The following NPAS3 variants were observed in gnomAD, a reference collection of about 807,000 sequenced individuals.
The protein encoded by NPAS3 is neuronal PAS domain protein 3, also known as neuronal PAS domain-containing protein 3.
Under a neutral mutation model 73.1 loss-of-function variants are expected in NPAS3, and 14 were observed. The ratio of observed to expected loss-of-function variants is 0.19; its 90% CI spans 0.13 to 0.30. The LOEUF (loss-of-function observed/expected upper bound fraction) is 0.30, where lower values mean the gene tolerates loss of function less well. Among genes scored for constraint, NPAS3 ranks in the 10% least tolerant of loss-of-function variants. NPAS3 has a pLI of 1.00. For missense variants in NPAS3, 1,096 were observed against 1,250.0 expected (o/e 0.88, Z 1.86); for synonymous variants, 620 against 541.5 (o/e 1.14, Z -2.01).
At chr14:33,632,564 C>T (rs2058409696) in intron 5 of NPAS3, among the ~76,000 whole-genome samples, 1 of 152,178 alleles carries the variant, frequency 6.6e-6, no homozygotes, top group South Asian at 2.1e-4. Context: ...GGAGCTGGAG[C>T]TGGGTTCCAC....
chr14:33,021,220 T>A (rs113436921), intron 1 of NPAS3, among the ~76,000 whole-genome samples: 1 of 152,194 alleles, frequency 6.6e-6, no homozygotes, highest in Non-Finnish European at 1.5e-5. Flanking sequence ...ATAATCATCA[T>A]CAGCAGCAGC....
intron 4 of NPAS3, among the ~76,000 whole-genome samples, chr14:33,524,693 C>T (rs149239232): frequency 2.2e-4 from 33 of 152,244 alleles, no homozygotes; most frequent in Middle Eastern, 3.4e-3. Flanking sequence ...ATTCTGTAGG[C>T]TAGAAGTGTG....
chr14:33,800,392 G>GGGCGGC lies in NPAS3; in HGVS notation c.2091_2096dup (p.Gly705_Gly706dup), dbSNP rs760720626. 2.5e-6 allele frequency: 4 copies of GGGCGGC among 1,605,570 alleles called. No homozygotes were observed. The highest frequency in any genetic ancestry group is 3.4e-5 in the Admixed American group (2 of 58,860). On this transcript the variant is annotated inframe_insertion, in exon 12 of 12. Transcript: ENST00000356141. The surrounding 1 kb of genome is among the most constrained non-coding windows in gnomAD (Gnocchi z 6.5). ...GCTCTGAGCACTTCCCGTCCCCGCA[G>GGGCGGC]GGCGGCGGCGGTGGGGGTGGCGGTG...
intron 2 of NPAS3, among the ~76,000 whole-genome samples, chr14:33,169,555 A>G (rs1297335859): frequency 6.6e-6 from 1 of 152,216 alleles, no homozygotes; most frequent in Non-Finnish European, 1.5e-5. Flanking sequence ...GTGACAGAGC[A>G]AGACTCTGTC....
At chr14:33,466,726 G>A (rs1800415271) in intron 4 of NPAS3, among the ~76,000 whole-genome samples, 4 of 152,136 alleles carry the variant, frequency 2.6e-5, no homozygotes, top group Admixed American at 2.6e-4. Context: ...GGGAGCAGGA[G>A]GAAGAGAGGG....
intron 4 of NPAS3, among the ~76,000 whole-genome samples, chr14:33,475,380 T>C (rs1213237707): frequency 6.6e-6 from 1 of 152,142 alleles, no homozygotes; most frequent in Admixed American, 6.5e-5. Flanking sequence ...TAAAACAAAT[T>C]TGATGCATTT....
chr14:32,945,137 A>T (rs1339201578), intron 1 of NPAS3, among the ~76,000 whole-genome samples: 3 of 152,198 alleles, frequency 2.0e-5, no homozygotes, highest in African/African-American at 7.2e-5. Flanking sequence ...AGAAGTAATG[A>T]ATTCATAGAA....
chr14:33,564,364 C>G (rs563519271), intron 5 of NPAS3, among the ~76,000 whole-genome samples: 1 of 152,112 alleles, frequency 6.6e-6, no homozygotes, highest in Non-Finnish European at 1.5e-5. Flanking sequence ...GAAGAGCTAA[C>G]CTGTAGATTA....
At chr14:33,505,048 T>A (rs2052692815) in intron 4 of NPAS3, among the ~76,000 whole-genome samples, 1 of 152,024 alleles carries the variant, frequency 6.6e-6, no homozygotes. Flanking sequence ...TTCAGTACTT[T>A]AAATAAAAAT....
intron 4 of NPAS3, among the ~76,000 whole-genome samples, chr14:33,497,816 CA>C (rs1168019360): frequency 3.3e-5 from 5 of 152,036 alleles, no homozygotes; most frequent in Non-Finnish European, 7.4e-5. Context: ...TCACCAAAAG[CA>C]ATGGCAACAA....
chr14:33,512,155 A>G (rs745555676), intron 4 of NPAS3, among the ~76,000 whole-genome samples: 1 of 152,088 alleles, frequency 6.6e-6, no homozygotes, highest in Non-Finnish European at 1.5e-5. Flanking sequence ...CTTTTTTCCT[A>G]TGTTAATTTG....
chr14:33,565,868 G>A (rs10131389), intron 5 of NPAS3, among the ~76,000 whole-genome samples: 114,026 of 151,838 alleles, frequency 0.75, 43,184 homozygotes, highest in East Asian at 0.94. Flanking sequence ...TTTTCAAAAC[G>A]TTTCAAGTAG....
intron 6 of NPAS3, among the ~76,000 whole-genome samples, chr14:33,683,165 G>C (rs4246980): frequency 0.47 from 71,660 of 151,860 alleles, 20,204 homozygotes; most frequent in East Asian, 0.91. Flanking sequence ...ATGTTTTGTT[G>C]AATAATAGAA....
chr14:33,432,045 A>T (rs1262166199), intron 4 of NPAS3, among the ~76,000 whole-genome samples: 1 of 152,202 alleles, frequency 6.6e-6, no homozygotes, highest in East Asian at 1.9e-4. Flanking sequence ...TAAAAACATT[A>T]ATAGAAATGA....
intron 7 of NPAS3, among the ~76,000 whole-genome samples, chr14:33,771,476 A>G (rs932961865): frequency 1.3e-5 from 2 of 152,210 alleles, no homozygotes; most frequent in African/African-American, 4.8e-5. Context: ...CTAGTTATAA[A>G]TGAAATCTTT....
chr14:33,272,096 A>T (rs983462533), intron 3 of NPAS3, among the ~76,000 whole-genome samples: 2 of 152,204 alleles, frequency 1.3e-5, no homozygotes, highest in Non-Finnish European at 2.9e-5. Context: ...CTCCTTGCGT[A>T]GCACTTGTAA....
chr14:33,219,794 T>A (rs1460762172), intron 3 of NPAS3, among the ~76,000 whole-genome samples: 2 of 152,202 alleles, frequency 1.3e-5, no homozygotes, highest in Non-Finnish European at 2.9e-5. Context: ...ACTAAACTAC[T>A]GTTATAATAT....
intron 4 of NPAS3, among the ~76,000 whole-genome samples, chr14:33,373,704 G>T (rs78243463): frequency 6.6e-6 from 1 of 152,010 alleles, no homozygotes; most frequent in Non-Finnish European, 1.5e-5. Context: ...GCCATATTAG[G>T]TAAACCCTCT....
At chr14:33,305,705 T>C (rs2042727745) in intron 3 of NPAS3, among the ~76,000 whole-genome samples, 1 of 152,194 alleles carries the variant, frequency 6.6e-6, no homozygotes, top group African/African-American at 2.4e-5. Flanking sequence ...TTCAATTGAA[T>C]GGCTAAATAG....
Sources: gnomAD v4.1 joint callset for allele counts (sites outside exome capture counted in the v4.1 genomes callset) on GRCh38, gnomAD v4.1.1 for gene constraint, Gnocchi (gnomAD v3.1) non-coding constraint, MANE v1.5 for transcripts, NCBI Gene and HGNC (gene_info 2026-07-23, HGNC 2026-07-21) for gene names.